ACACA: variants seen among roughly 807,000 people sequenced by gnomAD.
ACACA encodes acetyl-CoA carboxylase 1.
ACACA carries 103 observed loss-of-function variants against 296.1 expected under a neutral mutation model. That is an observed-to-expected ratio of 0.35 (90% CI 0.30 to 0.41). The LOEUF (loss-of-function observed/expected upper bound fraction) is 0.41, where lower values mean the gene tolerates loss of function less well. Among genes scored for constraint, ACACA ranks in the 10% least tolerant of loss-of-function variants. The pLI is 1.00. For missense variants in ACACA, 1,554 were observed against 2,989.7 expected, an observed-to-expected ratio of 0.52 and a Z score of 11.20; for synonymous variants, 953 against 1,038.6, an observed-to-expected ratio of 0.92 and a Z score of 1.58.
intron 25 of ACACA, among the ~76,000 whole-genome samples, chr17:37,227,190 A>T (rs2079578188): frequency 6.6e-6 from 1 of 152,202 alleles, no homozygotes; most frequent in Non-Finnish European, 1.5e-5. Context: ...AATCTCAATC[A>T]TATTCTGAGA....
At chr17:37,298,214 A>G (rs1751015043) in intron 3 of ACACA, among the ~76,000 whole-genome samples, 1 of 152,196 alleles carries the variant, frequency 6.6e-6, no homozygotes, top group Non-Finnish European at 1.5e-5. Context: ...AAAAAAGAAA[A>G]AGGGGCAATT....
chr17:37,312,495 A>G (rs1026732663), intron 3 of ACACA, among the ~76,000 whole-genome samples: 3 of 152,226 alleles, frequency 2.0e-5, no homozygotes, highest in African/African-American at 7.2e-5. Flanking sequence ...TTGGTTACAT[A>G]AGATAAATAT....
intron 2 of ACACA, among the ~76,000 whole-genome samples, chr17:37,332,803 G>T (rs534799840): frequency 6.6e-6 from 1 of 151,602 alleles, no homozygotes; most frequent in Admixed American, 6.6e-5. Flanking sequence ...CCAGCTACTC[G>T]GGAGGCTGAG....
At chr17:37,335,703 G>C (rs1169812244) in intron 2 of ACACA, among the ~76,000 whole-genome samples, 8 of 152,122 alleles carry the variant, frequency 5.3e-5, no homozygotes, top group African/African-American at 1.4e-4. Context: ...CCTCTACTCA[G>C]TTCTACTACA....
chr17:37,107,399 T>C (rs572832510), intron 52 of ACACA, among the ~76,000 whole-genome samples: 92 of 152,330 alleles, frequency 6.0e-4, no homozygotes, highest in Middle Eastern at 6.8e-3. Flanking sequence ...ACAGTCCTTT[T>C]CCTGTCATTC....
intron 3 of ACACA, among the ~76,000 whole-genome samples, chr17:37,302,839 GA>G (rs2083692986): frequency 6.6e-6 from 1 of 152,100 alleles, no homozygotes; most frequent in African/African-American, 2.4e-5. Context: ...CAATTTTACT[GA>G]GATACAATTC....
chr17:37,179,476 T>G (rs768912179), intron 40 of ACACA, 70 bp from the exon 41 acceptor site: 18 of 1,558,676 alleles, frequency 1.2e-5, no homozygotes, highest in Non-Finnish European at 1.6e-5. Context: ...ATTATTAAGA[T>G]TCAGTCAATC....
chr17:37,146,790 G>A (rs1251048670), intron 45 of ACACA, among the ~76,000 whole-genome samples: 2 of 151,038 alleles, frequency 1.3e-5, no homozygotes, highest in Non-Finnish European at 3.0e-5. Flanking sequence ...TGAGCATCAA[G>A]AACAAAAAAA....
intron 14 of ACACA, among the ~76,000 whole-genome samples, chr17:37,256,691 C>A (rs1204448724): frequency 6.6e-6 from 1 of 152,078 alleles, no homozygotes; most frequent in Non-Finnish European, 1.5e-5. Context: ...ATGATGGCAC[C>A]ACTGCATTCC....
intron 3 of ACACA, chr17:37,299,208 G>A: frequency 1.4e-6 from 2 of 1,437,714 alleles, no homozygotes; most frequent in Admixed American, 1.8e-5. Flanking sequence ...AAATCTCAGG[G>A]CTTAGCTGTC....
chr17:37,348,944 G>A (rs1468234704), intron 1 of ACACA, among the ~76,000 whole-genome samples: 6 of 136,192 alleles, frequency 4.4e-5, no homozygotes, highest in South Asian at 2.3e-4. Context: ...GTGAGACTCC[G>A]TCTCAAAAAA....
chr17:37,389,429 G>C (rs2050692800), intron 1 of ACACA: 10 of 1,530,500 alleles, frequency 6.5e-6, no homozygotes, highest in Non-Finnish European at 8.8e-6. Flanking sequence ...GGGCGTGGTG[G>C]CTCACACCTC....
In ACACA at chr17:37,359,253, C is replaced by T. The variant is rs898879121; in HGVS notation, c.39-19403G>A. The stretch of plus-strand genomic sequence containing the variant: ...TCCAGGCCGTTCACCTCCGACCCCG[C>T]TCCGGGCTGCGGCGCTGCCAGGGCC... On this transcript the variant is annotated intron_variant, in intron 1 of 55. Coordinates refer to ENST00000616317, the MANE Select transcript of ACACA (RefSeq NM_198834.3). The T allele has an allele frequency of 1.4e-5, 9 of 660,446 alleles. No individual in the cohort carries two copies. The African/African-American group carries it at 1.6e-4, about 12-fold the overall frequency. 40.9% of individuals were successfully genotyped at this position (660,446 alleles called of 1,614,324 possible). A position where few individuals can be genotyped will look rare whatever the true frequency, so the allele number is the denominator to read the frequency against.
intron 1 of ACACA, among the ~76,000 whole-genome samples, chr17:37,384,120 C>T (rs528457366): frequency 6.6e-6 from 1 of 152,160 alleles, no homozygotes; most frequent in Non-Finnish European, 1.5e-5. Context: ...AAAAATTAGC[C>T]GGGTGTAGTG....
intron 45 of ACACA, among the ~76,000 whole-genome samples, chr17:37,146,144 A>C (rs184930854): frequency 6.6e-6 from 1 of 152,336 alleles, no homozygotes; most frequent in Non-Finnish European, 1.5e-5. Flanking sequence ...GTTGGCTATA[A>C]AAAGAAATCC....
intron 3 of ACACA, among the ~76,000 whole-genome samples, chr17:37,295,660 C>T (rs1276504501): frequency 3.3e-5 from 5 of 152,054 alleles, no homozygotes; most frequent in Non-Finnish European, 7.4e-5. Context: ...CACGGTGGCT[C>T]ACACCTGTAA....
chr17:37,095,159 G>C (rs1460761688), intron 54 of ACACA, among the ~76,000 whole-genome samples: 1 of 152,208 alleles, frequency 6.6e-6, no homozygotes, highest in Non-Finnish European at 1.5e-5. Flanking sequence ...ATGTGGTAGG[G>C]AGGCAGTGCA....
intron 1 of ACACA, among the ~76,000 whole-genome samples, chr17:37,397,038 TC>T (rs71368455): frequency 1.4e-5 from 2 of 141,228 alleles, no homozygotes; most frequent in African/African-American, 2.6e-5. Flanking sequence ...CCCTCCCCCA[TC>T]CCCCCACCCC....
At chr17:37,107,229 C>A (rs1176852476) in intron 52 of ACACA, among the ~76,000 whole-genome samples, 3 of 152,178 alleles carry the variant, frequency 2.0e-5, no homozygotes, top group African/African-American at 7.2e-5. Context: ...CTTAACTTTC[C>A]AGGCAAAGAC....
Sources: gnomAD v4.1 joint callset for allele counts (sites outside exome capture counted in the v4.1 genomes callset) on GRCh38, gnomAD v4.1.1 for gene constraint, MANE v1.5 for transcripts, NCBI Gene and HGNC (gene_info 2026-07-23, HGNC 2026-07-21) for gene names.